IL27: variants seen among roughly 807,000 people sequenced by gnomAD.
IL27 encodes interleukin-27 subunit alpha.
A neutral mutation model predicts 27.0 loss-of-function variants in IL27; 11 were observed. The ratio of observed to expected loss-of-function variants is 0.41; its 90% CI spans 0.26 to 0.67. IL27 has a LOEUF of 0.67. Among genes scored for constraint, IL27 ranks in the 30% least tolerant of loss-of-function variants. IL27 has a pLI of 0.34. For synonymous variants in IL27, 134 were observed against 140.6 expected (o/e 0.95, Z 0.33); for missense variants, 299 against 310.4 (o/e 0.96, Z 0.28).
intron 1 of IL27, among the ~76,000 whole-genome samples, chr16:28,505,662 T>C (rs954374622): frequency 1.3e-5 from 2 of 152,044 alleles, no homozygotes; most frequent in South Asian, 4.2e-4. Context: ...TGTGTTTTCC[T>C]GGAAAGAGGG....
chr16:28,501,741 TCACA>T (rs905853666), intron 4 of IL27, among the ~76,000 whole-genome samples: 31 of 129,896 alleles, frequency 2.4e-4, no homozygotes, highest in Non-Finnish European at 2.6e-4. Flanking sequence ...AGACCCACAC[TCACA>T]CACTCTCACA....
At chr16:28,500,869 G>A (rs752173172) in intron 4 of IL27, among the ~76,000 whole-genome samples, 20 of 151,812 alleles carry the variant, frequency 1.3e-4, no homozygotes, top group Admixed American at 2.6e-4. Flanking sequence ...TTCTCACAAC[G>A]CACCCACACT....
At chr16:28,506,647 T>C in intron 1 of IL27, 134 bp downstream of exon 1, 2 of 850,170 alleles carry the variant, frequency 2.4e-6, no homozygotes, top group Non-Finnish European at 1.8e-6. Flanking sequence ...TCCCTTCCCA[T>C]GCAGCAGCCA....
Position 28,503,702 on chromosome 16 carries a change from C to A in IL27, c.296G>T (p.Arg99Leu). 1 of 1,607,846 alleles carries A rather than the reference C, an allele frequency of 6.2e-7. No homozygotes were observed. Among genetic ancestry groups the A allele is most frequent in the Non-Finnish European group, 8.5e-7 (1 of 1,176,518 alleles). ...DVSLTFQAWRRLSDPERLCFI... is the reference protein window; with the variant it reads ...DVSLTFQAWRLLSDPERLCFI... ...CCACCAGCCCTCACTCACAGAGAGG[C>A]GGCGCCAGGCCTGGAAGGTCAGGGA... The change falls in exon 3 of 5, where the codon CGC becomes CTC. Residue 99 changes from arginine (R) to leucine (L), a missense_variant. Arg to Leu is a moderately radical substitution (Grantham distance 102). Coordinates refer to ENST00000356897, the MANE Select transcript of IL27 (RefSeq NM_145659.3).
intron 1 of IL27, 23 bp downstream of exon 1, chr16:28,506,758 C>T (rs2046462930): frequency 1.9e-6 from 3 of 1,609,814 alleles, no homozygotes; most frequent in African/African-American, 1.3e-5. Context: ...AACCAAGCCC[C>T]CCACCCCTGG....
intron 4 of IL27, 87 bp downstream of exon 4, chr16:28,501,885 TCACA>T (rs942309183): frequency 1.4e-5 from 20 of 1,430,130 alleles, no homozygotes; most frequent in South Asian, 7.6e-5. Context: ...ACTCTCACAC[TCACA>T]CACACTCAGA....
intron 3 of IL27, among the ~76,000 whole-genome samples, chr16:28,502,687 C>A (rs1395440528): frequency 6.6e-6 from 1 of 152,140 alleles, no homozygotes; most frequent in Non-Finnish European, 1.5e-5. Flanking sequence ...ATTCTCACCC[C>A]CAGTGCCACC....
At chr16:28,501,594 C>T (rs2046430622) in intron 4 of IL27, among the ~76,000 whole-genome samples, 1 of 150,714 alleles carries the variant, frequency 6.6e-6, no homozygotes, top group Non-Finnish European at 1.5e-5. Flanking sequence ...CCCACACACT[C>T]TCACAGTCAG....
At chr16:28,506,723 GCTCGTCCATTCT>G in intron 1 of IL27, 46 bp downstream of exon 1, 1 of 1,574,060 alleles carries the variant, frequency 6.4e-7, no homozygotes, top group South Asian at 1.1e-5. Context: ...CACCAGCCAA[GCTCGTCCATTCT>G]CTGCCCAAAC....
chr16:28,500,377 C>A (rs1019990322), intron 4 of IL27, among the ~76,000 whole-genome samples: 14 of 152,066 alleles, frequency 9.2e-5, no homozygotes, highest in Non-Finnish European at 4.4e-5. Context: ...CCAGTTCAAG[C>A]AATTCTCCTA....
chr16:28,503,728 A>G lies in IL27; in HGVS notation c.270T>C (p.Val90=). Residue 90 remains valine, a synonymous_variant, in exon 3 of 5, where the codon GTT becomes GTC. Coordinates refer to ENST00000356897, the MANE Select transcript of IL27 (RefSeq NM_145659.3). The part of the protein sequence containing the change: ...LLPLGEQLPD[V]SLTFQAWRRL... ...GGCGCCAGGCCTGGAAGGTCAGGGA[A>G]ACATCAGGGAGCTGCTCTCCCAGGG... 6.2e-7 allele frequency: 1 copy of G among 1,613,492 alleles called. No individual in the cohort carries two copies. Among genetic ancestry groups the G allele is most frequent in the Admixed American group, 1.7e-5 (1 of 59,936 alleles).
rs1479998329 is a variant in IL27, at chr16:28,501,970, C to A, written c.462+6G>T. The A allele has an allele frequency of 6.2e-7, 1 of 1,600,704 alleles. No homozygotes were observed. The highest frequency in any genetic ancestry group is 8.5e-7 in the Non-Finnish European group (1 of 1,175,798). ...TCTGGGGTGGTGGAGGGTGGCCGGGCTCTACCTGGAAGCGGAGGTGCCGCT... is the reference window on the plus strand; with the variant it reads ...TCTGGGGTGGTGGAGGGTGGCCGGGATCTACCTGGAAGCGGAGGTGCCGCT... On this transcript the variant is annotated splice_donor_region_variant and intron_variant, in intron 4 of 4. Coordinates refer to ENST00000356897, the MANE Select transcript of IL27 (RefSeq NM_145659.3).
Position 28,502,045 on chromosome 16 carries a change from G to T in IL27, c.393C>A (p.Asn131Lys). Residue 131 changes from asparagine to lysine, a missense_variant, in exon 4 of 5, where the codon AAC becomes AAA. By Grantham distance (94) the Asn-to-Lys change is moderately conservative. Coordinates refer to ENST00000356897, the MANE Select transcript of IL27 (RefSeq NM_145659.3). ...GGLGTQGRWT[N>K]MERMQLWAMR... The stretch of plus-strand genomic sequence containing the variant: ...TGGCCCACAGCTGCATCCTCTCCAT[G>T]TTGGTCCAGCGGCCCTGGGTCCCCA... 1.2e-6 allele frequency: 2 copies of T among 1,613,508 alleles called. No homozygotes were observed. Among genetic ancestry groups the T allele is most frequent in the Non-Finnish European group, 8.5e-7 (1 of 1,179,952 alleles).
At chr16:28,504,587 CTTT>C (rs113113152) in intron 1 of IL27, among the ~76,000 whole-genome samples, 13 of 144,430 alleles carry the variant, frequency 9.0e-5, no homozygotes, top group East Asian at 2.0e-4. Context: ...AAGCCTGATC[CTTT>C]TTTTTTTTTT....
In IL27 at chr16:28,504,147, A is replaced by C; in HGVS notation, c.32-97T>G. ...CCTGTGCTAGCTGTGAGCACGGTGCAGGCACTTTGACCAGCATCATTCCTC... is the reference window on the plus strand; with the variant it reads ...CCTGTGCTAGCTGTGAGCACGGTGCCGGCACTTTGACCAGCATCATTCCTC... On this transcript the variant is annotated intron_variant, in intron 1 of 4. Transcript: ENST00000356897. 3.1e-6 allele frequency: 4 copies of C among 1,271,368 alleles called. No homozygotes were observed. The South Asian group carries it at 4.6e-5, about 14-fold the overall frequency. The allele number at this position is 1,271,368 out of a possible 1,614,324, so 78.8% of individuals were successfully genotyped here. A position where few individuals can be genotyped will look rare whatever the true frequency, so the allele number is the denominator to read the frequency against.
At chr16:28,505,123 A>G (rs1243866386) in intron 1 of IL27, among the ~76,000 whole-genome samples, 1 of 152,242 alleles carries the variant, frequency 6.6e-6, no homozygotes, top group East Asian at 1.9e-4. Context: ...GGAGGCAGCC[A>G]TCTGCCCCAG....
rs750265879 is a variant in IL27 at position 28,499,770 on chromosome 16, G to A, written c.613C>T (p.Arg205Cys). 3.1e-6 allele frequency: 5 copies of A among 1,612,318 alleles called. No individual in the cohort carries two copies. The highest frequency in any genetic ancestry group is 1.7e-5 in the Admixed American group (1 of 59,766). Residue 205 changes from arginine (R) to cysteine (C), a missense_variant, in exon 5 of 5, where the codon CGC (arginine) becomes TGC (cysteine). Transcript: ENST00000356897. Reference protein sequence around the residue: ...VSWPQLLSTYRLLHSLELVLS... With the variant: ...VSWPQLLSTYCLLHSLELVLS... The stretch of plus-strand genomic sequence containing the variant: ...ACGAGCTCCAAGGAGTGCAGCAGGC[G>A]GTAGGTGGAGAGGAGCTGGGGCCAG...
chr16:28,501,811 G>A (rs569704511), intron 4 of IL27, among the ~76,000 whole-genome samples, 165 bp downstream of exon 4: 7 of 147,956 alleles, frequency 4.7e-5, no homozygotes, highest in African/African-American at 1.2e-4. Context: ...CCACACTTAC[G>A]GACCCACACA....
chr16:28,506,831 G>A lies in IL27; in HGVS notation c.-20C>T. On this transcript the variant is annotated 5_prime_UTR_variant, in exon 1 of 5. Transcript: ENST00000356897. ...GCCCATGGCGGGGCCCAGCCTCTTT[G>A]GTCAGCCATCTCCTGGGTAGGGGGG... 6.2e-7 allele frequency: 1 copy of A among 1,610,776 alleles called. No individual in the cohort carries two copies. The highest frequency in any genetic ancestry group is 8.5e-7 in the Non-Finnish European group (1 of 1,178,510).
Sources: gnomAD v4.1 joint callset for allele counts (sites outside exome capture counted in the v4.1 genomes callset) on GRCh38, gnomAD v4.1.1 for gene constraint, MANE v1.5 for transcripts, NCBI Gene and HGNC (gene_info 2026-07-23, HGNC 2026-07-21) for gene names.